Variants in ZFHX3 observed in about 807,000 individuals in gnomAD.
The protein encoded by ZFHX3 is zinc finger homeobox 3, also known as zinc finger homeobox protein 3.
Under a neutral mutation model 279.1 loss-of-function variants are expected in ZFHX3, and 42 were observed. The ratio of observed to expected loss-of-function variants is 0.15; its 90% CI spans 0.12 to 0.19. The LOEUF (loss-of-function observed/expected upper bound fraction) is 0.19. ZFHX3 is among the 10% of genes least tolerant of loss of function. ZFHX3 has a pLI of 1.00. For missense variants in ZFHX3, 4,981 were observed against 4,754.0 expected (o/e 1.05, Z -1.40); for synonymous variants, 2,293 against 1,957.8 (o/e 1.17, Z -4.52).
chr16:73,055,686 G>A, intron 1 of ZFHX3, among the ~76,000 whole-genome samples: 1 of 94,616 alleles, frequency 1.1e-5, no homozygotes, highest in Non-Finnish European at 2.3e-5. Flanking sequence ...GTACGCGCGC[G>A]CGCGCGCGCG....
At chr16:73,868,816 T>TGCCA (rs779251310) in intron 1 of ZFHX3, among the ~76,000 whole-genome samples, 6 of 152,158 alleles carry the variant, frequency 3.9e-5, no homozygotes, top group Non-Finnish European at 7.4e-5. Flanking sequence ...CTTCTTGTCC[T>TGCCA]GCCATATTGC....
Position 73,588,748 on chromosome 16 carries a change from T to C in ZFHX3, c.-1547+91432A>G, listed in dbSNP as rs554717891. On this transcript the variant is annotated intron_variant, in intron 2 of 17. Coordinates refer to the ZFHX3 transcript ENST00000641206. Reference sequence around the variant, plus strand: ...AAGAAAACAAGAGAGAGGAATATAGTCAACACCCCCAAGGACATGCAATCA... The same window carrying C: ...AAGAAAACAAGAGAGAGGAATATAGCCAACACCCCCAAGGACATGCAATCA... Among the ~76,000 whole-genome samples the C allele has an allele frequency of 2.6e-4, 39 of 148,054 alleles. No homozygotes were observed. The South Asian group carries it at 7.3e-3, about 28-fold the overall frequency.
chr16:73,479,227 T>C (rs567735546), intron 2 of ZFHX3, among the ~76,000 whole-genome samples: 75 of 152,246 alleles, frequency 4.9e-4, no homozygotes, highest in Non-Finnish European at 1.0e-3. Context: ...TGCTAATGAC[T>C]GGGGAGCTGC....
chr16:72,813,644 C>G (rs1308904823), intron 5 of ZFHX3, among the ~76,000 whole-genome samples: 1 of 152,144 alleles, frequency 6.6e-6, no homozygotes, highest in Non-Finnish European at 1.5e-5. Flanking sequence ...CTCCTCCTCC[C>G]AACACACACA....
intron 1 of ZFHX3, among the ~76,000 whole-genome samples, chr16:73,779,116 T>C (rs992601910): frequency 3.9e-5 from 6 of 152,126 alleles, no homozygotes; most frequent in African/African-American, 1.4e-4. Flanking sequence ...AACCCGTGTC[T>C]TGCATTTGGA....
At chr16:73,064,843 G>T (rs1335257471) in intron 8 of ZFHX3, among the ~76,000 whole-genome samples, 3 of 152,238 alleles carry the variant, frequency 2.0e-5, no homozygotes, top group African/African-American at 7.2e-5. Flanking sequence ...CGCGGAGCCG[G>T]TGGCTCTCCC....
intron 4 of ZFHX3, among the ~76,000 whole-genome samples, chr16:73,286,768 T>C (rs1232764191): frequency 1.8e-4 from 26 of 144,668 alleles, no homozygotes; most frequent in Admixed American, 1.8e-3. Context: ...AGTGGGTTGG[T>C]GTGTGGCTGT....
At chr16:73,675,255 C>A (rs904298664) in intron 2 of ZFHX3, among the ~76,000 whole-genome samples, 1 of 152,084 alleles carries the variant, frequency 6.6e-6, no homozygotes, top group Non-Finnish European at 1.5e-5. Context: ...ACCAGGGAAG[C>A]AGAGTCACAG....
chr16:73,430,215 G>C (rs1193302073), intron 3 of ZFHX3, among the ~76,000 whole-genome samples: 1 of 152,054 alleles, frequency 6.6e-6, no homozygotes, highest in African/African-American at 2.4e-5. Context: ...ATTACAACCT[G>C]CCATCCACTG....
intron 6 of ZFHX3, chr16:73,137,272 T>A (rs759714060): frequency 3.2e-4 from 48 of 152,150 alleles, no homozygotes; most frequent in African/African-American, 1.1e-3. Flanking sequence ...CTGCACCAGA[T>A]TCATTGCTAT....
At chr16:73,064,294 C>CT (rs1345534867), upstream of ZFHX3, among the ~76,000 whole-genome samples, 2 of 152,040 alleles carry the variant, frequency 1.3e-5, no homozygotes, top group African/African-American at 4.8e-5. Context: ...CTGACTCTCA[C>CT]TCCAGCTACC....
At chr16:73,671,849 T>C (rs1324835926) in intron 2 of ZFHX3, among the ~76,000 whole-genome samples, 49 of 152,196 alleles carry the variant, frequency 3.2e-4, no homozygotes, top group Admixed American at 3.2e-3. Context: ...AGCTGTAATA[T>C]TCCTCTCTAT....
intron 2 of ZFHX3, among the ~76,000 whole-genome samples, chr16:73,524,984 A>G (rs1468345735): frequency 6.6e-6 from 1 of 152,136 alleles, no homozygotes; most frequent in Non-Finnish European, 1.5e-5. Flanking sequence ...CGTAAGAAGG[A>G]CTGTCTCCAG....
intron 3 of ZFHX3, among the ~76,000 whole-genome samples, chr16:73,453,065 G>A (rs1233920735): frequency 8.6e-6 from 1 of 115,804 alleles, no homozygotes; most frequent in African/African-American, 3.5e-5. Flanking sequence ...TCCACTTAAT[G>A]TGTGTCTTTC....
At chr16:73,170,300 G>C (rs1228455827) in intron 5 of ZFHX3, among the ~76,000 whole-genome samples, 3 of 127,794 alleles carry the variant, frequency 2.3e-5, no homozygotes, top group Non-Finnish European at 4.6e-5. Context: ...CCACGATCTC[G>C]GCTCACTGCA....
chr16:73,871,696 A>G (rs1034000990), intron 1 of ZFHX3, among the ~76,000 whole-genome samples: 1 of 152,200 alleles, frequency 6.6e-6, no homozygotes, highest in African/African-American at 2.4e-5. Context: ...AAAGGCCAGC[A>G]TAACAAAGCT....
intron 4 of ZFHX3, among the ~76,000 whole-genome samples, chr16:72,853,336 G>A (rs2037666646): frequency 6.6e-6 from 1 of 152,192 alleles, no homozygotes; most frequent in South Asian, 2.1e-4. Context: ...ATAAATCTGT[G>A]AAGACTCCAA....
At chr16:73,336,558 G>C (rs1408368152) in intron 3 of ZFHX3, among the ~76,000 whole-genome samples, 1 of 152,132 alleles carries the variant, frequency 6.6e-6, no homozygotes, top group African/African-American at 2.4e-5. Context: ...TGCTGCAAAA[G>C]ACATGATCTT....
intron 1 of ZFHX3, among the ~76,000 whole-genome samples, chr16:73,704,168 G>A (rs2053281001): frequency 6.6e-6 from 1 of 152,102 alleles, no homozygotes; most frequent in Non-Finnish European, 1.5e-5. Context: ...ATTCCAGACT[G>A]AAAGAGTGAG....
Sources: gnomAD v4.1 joint callset for allele counts (sites outside exome capture counted in the v4.1 genomes callset) on GRCh38, gnomAD v4.1.1 for gene constraint, MANE v1.5 for transcripts, NCBI Gene and HGNC (gene_info 2026-07-23, HGNC 2026-07-21) for gene names.